Variants in ATXN7L1 observed in about 807,000 individuals in gnomAD.
The protein encoded by ATXN7L1 is ataxin-7-like protein 1.
A neutral mutation model predicts 70.8 loss-of-function variants in ATXN7L1; 15 were observed. The ratio of observed to expected loss-of-function variants is 0.21; its 90% CI spans 0.14 to 0.33. The LOEUF is 0.33. Ranked by LOEUF, ATXN7L1 falls within the 10% of genes least tolerant of loss-of-function variation. ATXN7L1 has a pLI of 1.00. For missense variants in ATXN7L1, 975 were observed against 1,097.1 expected (o/e 0.89, Z 1.57); for synonymous variants, 440 against 445.1 (o/e 0.99, Z 0.14).
intron 10 of ATXN7L1, chr7:105,613,478 C>A: frequency 1.0e-5 from 11 of 1,103,354 alleles, no homozygotes; most frequent in Non-Finnish European, 1.2e-5. Flanking sequence ...AACCTCTTAG[C>A]AACAGAACTC....
intron 2 of ATXN7L1, chr7:105,819,956 T>C (rs1809870305): frequency 4.1e-6 from 2 of 486,484 alleles, no homozygotes; most frequent in African/African-American, 3.9e-5. Context: ...GCATCTACCC[T>C]GAAGGAGAAG....
chr7:105,610,465 A>G (rs1793045833), intron 11 of ATXN7L1, 64 bp downstream of exon 11: 2 of 1,402,260 alleles, frequency 1.4e-6, no homozygotes, highest in Non-Finnish European at 2.0e-6. Flanking sequence ...CCAGTGTCCA[A>G]ACTCTTTCCA....
chr7:105,828,878 G>A (rs929595792), intron 2 of ATXN7L1, among the ~76,000 whole-genome samples: 8 of 152,152 alleles, frequency 5.3e-5, no homozygotes, highest in African/African-American at 1.9e-4. Context: ...GGACTCCACC[G>A]GCAAGGGTAT....
intron 9 of ATXN7L1, among the ~76,000 whole-genome samples, chr7:105,615,945 C>T (rs916196746): frequency 5.9e-5 from 9 of 152,160 alleles, no homozygotes; most frequent in Non-Finnish European, 1.3e-4. Flanking sequence ...GCCTGGGGTG[C>T]TGCTGCTGCT....
chr7:105,725,489 C>T (rs942762840), intron 3 of ATXN7L1, among the ~76,000 whole-genome samples: 7 of 152,156 alleles, frequency 4.6e-5, no homozygotes, highest in Admixed American at 4.6e-4. Context: ...CAACATTCCC[C>T]AGTGCATGGA....
intron 3 of ATXN7L1, among the ~76,000 whole-genome samples, chr7:105,735,797 C>G (rs1302674709): frequency 6.6e-6 from 1 of 152,034 alleles, no homozygotes; most frequent in Admixed American, 6.6e-5. Flanking sequence ...AGTGAGATTT[C>G]CTGCTATGGA....
At chr7:105,755,110 C>T (rs1192775469) in intron 3 of ATXN7L1, among the ~76,000 whole-genome samples, 2 of 152,222 alleles carry the variant, frequency 1.3e-5, no homozygotes, top group Non-Finnish European at 2.9e-5. Flanking sequence ...GTGCCCTCAT[C>T]GCCGGTTTCC....
intron 3 of ATXN7L1, among the ~76,000 whole-genome samples, chr7:105,750,455 T>G (rs1478248142): frequency 6.6e-6 from 1 of 151,712 alleles, no homozygotes; most frequent in African/African-American, 2.4e-5. Context: ...TTTGATTGTT[T>G]TGTAGAGACA....
intron 2 of ATXN7L1, chr7:105,819,896 C>T: frequency 9.0e-6 from 5 of 555,104 alleles, no homozygotes; most frequent in South Asian, 5.8e-5. Context: ...AGAAACTTTG[C>T]CTACGTGGGG....
At chr7:105,868,631 G>T (rs1421775917) in intron 2 of ATXN7L1, among the ~76,000 whole-genome samples, 2 of 151,598 alleles carry the variant, frequency 1.3e-5, no homozygotes, top group Non-Finnish European at 2.9e-5. Flanking sequence ...GTATCTACTT[G>T]AATGCACACA....
chr7:105,761,421 C>G (rs1193675979), intron 3 of ATXN7L1: 2 of 1,614,076 alleles, frequency 1.2e-6, no homozygotes, highest in Non-Finnish European at 1.7e-6. Flanking sequence ...CTCTGGTCCA[C>G]TCCTGGAGAT....
chr7:105,680,046 C>T (rs915020742), intron 3 of ATXN7L1, among the ~76,000 whole-genome samples: 2 of 147,950 alleles, frequency 1.4e-5, no homozygotes, highest in Non-Finnish European at 3.0e-5. Context: ...ATTAAATCAA[C>T]CTTAGATAAG....
intron 3 of ATXN7L1, among the ~76,000 whole-genome samples, chr7:105,704,516 T>C (rs1792878181): frequency 6.7e-6 from 1 of 149,944 alleles, no homozygotes; most frequent in Admixed American, 6.7e-5. Context: ...CACACAATAA[T>C]GCAATGAGAT....
At chr7:105,746,974 T>C (rs1179372544) in intron 3 of ATXN7L1, among the ~76,000 whole-genome samples, 1 of 152,234 alleles carries the variant, frequency 6.6e-6, no homozygotes, top group Non-Finnish European at 1.5e-5. Context: ...TTGTAGTAGA[T>C]ACATGCGCTA....
chr7:105,664,701 G>C (rs1309616328), intron 4 of ATXN7L1, among the ~76,000 whole-genome samples: 5 of 151,206 alleles, frequency 3.3e-5, no homozygotes, highest in Admixed American at 3.3e-4. Context: ...TGAGTAGCTG[G>C]GATTACAGGT....
At chr7:105,873,755 T>G (rs576204160) in intron 2 of ATXN7L1, among the ~76,000 whole-genome samples, 1 of 152,200 alleles carries the variant, frequency 6.6e-6, no homozygotes, top group African/African-American at 2.4e-5. Flanking sequence ...CGTACCTTTA[T>G]AGGACAAAGG....
rs1164902252 is a variant in ATXN7L1 at position 105,700,260 on chromosome 7, C to T, written c.356-34972G>A. On this transcript the variant is annotated intron_variant, in intron 3 of 11. Transcript: ENST00000419735. ...GTGGCTCATGTCTGTAATCCCAACA[C>T]TTTGGGAGGCCAAGGCAGGCGGATC... Among the ~76,000 whole-genome samples the T allele has an allele frequency of 4.6e-5, 7 of 152,104 alleles. No homozygotes were observed. In the South Asian group the frequency reaches 1.5e-3, roughly 32 times the overall value.
chr7:105,690,251 C>T (rs1476368010), intron 3 of ATXN7L1, among the ~76,000 whole-genome samples: 2 of 151,978 alleles, frequency 1.3e-5, no homozygotes, highest in South Asian at 2.1e-4. Flanking sequence ...GTGATCCGCC[C>T]GCCTCAGCCT....
intron 3 of ATXN7L1, among the ~76,000 whole-genome samples, chr7:105,783,160 T>C (rs1338622919): frequency 3.3e-5 from 5 of 152,198 alleles, no homozygotes; most frequent in African/African-American, 1.2e-4. Flanking sequence ...CCCGTAAATG[T>C]TAGGATTCTA....
Sources: gnomAD v4.1 joint callset for allele counts (sites outside exome capture counted in the v4.1 genomes callset) on GRCh38, gnomAD v4.1.1 for gene constraint, MANE v1.5 for transcripts, NCBI Gene and HGNC (gene_info 2026-07-23, HGNC 2026-07-21) for gene names.